Variants in KNDC1 observed in about 807,000 individuals in gnomAD.
KNDC1 encodes the protein kinase non-catalytic C-lobe domain containing 1.
Under a neutral mutation model 172.8 loss-of-function variants are expected in KNDC1, and 106 were observed. That is an observed-to-expected ratio of 0.61 (90% confidence interval 0.52 to 0.72). The LOEUF (loss-of-function observed/expected upper bound fraction) is 0.72, where lower values mean the gene tolerates loss of function less well. KNDC1 is among the 30% of genes least tolerant of loss of function. KNDC1 has a pLI of 0.00. For missense variants in KNDC1, 2,325 were observed against 2,394.5 expected, an observed-to-expected ratio of 0.97 and a Z score of 0.61; for synonymous variants, 1,083 against 1,062.2, an observed-to-expected ratio of 1.02 and a Z score of -0.38.
chr10:133,183,641 G>T (rs1045238031), intron 4 of KNDC1, 151 bp downstream of exon 4: 3 of 1,026,790 alleles, frequency 2.9e-6, no homozygotes, highest in Non-Finnish European at 4.2e-6. Context: ...GGAGGACTTG[G>T]TTTTTTATTG....
In KNDC1 at chr10:133,186,523, G is replaced by C. The variant is rs2135979637; in HGVS notation, c.1175G>C (p.Ser392Thr). 6.2e-7 allele frequency: 1 copy of C among 1,612,274 alleles called. No homozygotes were observed. Among genetic ancestry groups the C allele is most frequent in the Admixed American group, 1.7e-5 (1 of 60,014 alleles). The change falls in exon 6 of 30, where the codon AGT (serine) becomes ACT (threonine). Residue 392 changes from serine to threonine, a missense_variant. Physicochemically the swap from Ser to Thr is moderately conservative, Grantham distance 58. Transcript: ENST00000304613. Reference sequence around the variant, plus strand: ...GACAGGGGCCCTGGGGTGCCCGGCAGTCCAGGACAGCCCGAGACTTCACAC... The same window carrying C: ...GACAGGGGCCCTGGGGTGCCCGGCACTCCAGGACAGCCCGAGACTTCACAC... The part of the protein sequence containing the change: ...STDRGPGVPG[S>T]PGQPETSHPS...
chr10:133,219,879 G>C, intron 28 of KNDC1, 76 bp from the exon 29 acceptor site: 2 of 1,432,702 alleles, frequency 1.4e-6, no homozygotes, highest in Non-Finnish European at 1.9e-6. Flanking sequence ...TGGTTGGGCT[G>C]CGCTGGCCCC....
chr10:133,160,536 C>G lies in KNDC1; in HGVS notation c.69C>G (p.Asp23Glu). 6.3e-7 allele frequency: 1 copy of G among 1,584,934 alleles called. No homozygotes were observed. The highest frequency in any genetic ancestry group is 8.6e-7 in the Non-Finnish European group (1 of 1,167,686). Residue 23 changes from aspartate to glutamate, a missense_variant, in exon 1 of 30, where the codon GAC (aspartate) becomes GAG (glutamate). Coordinates refer to ENST00000304613, the MANE Select transcript of KNDC1 (RefSeq NM_152643.8). ...ACGGCAAAGACCTGGACTTCTACGA[C>G]TTCGAGCCGCTGCCCACCCTCCCCG... ...EEDGKDLDFY[D>E]FEPLPTLPED...
At chr10:133,190,964 C>T (rs1036612969) in intron 9 of KNDC1, among the ~76,000 whole-genome samples, 1 of 152,134 alleles carries the variant, frequency 6.6e-6, no homozygotes, top group Non-Finnish European at 1.5e-5. Context: ...GAACGAAAAT[C>T]GCTGGGAAAG....
At chr10:133,174,115 C>G (rs2135956694) in intron 3 of KNDC1, 1 of 152,358 alleles carries the variant, frequency 6.6e-6, no homozygotes. Flanking sequence ...GGTCCTGCCT[C>G]TTGCTGGTTC....
chr10:133,215,943 C>G (rs1408917327), intron 26 of KNDC1, among the ~76,000 whole-genome samples: 1 of 152,250 alleles, frequency 6.6e-6, no homozygotes, highest in Admixed American at 6.5e-5. Flanking sequence ...AGGCCCCTCA[C>G]CTCCTCACGG....
At chr10:133,185,414 A>G (rs1853866742) in intron 5 of KNDC1, among the ~76,000 whole-genome samples, 1 of 144,230 alleles carries the variant, frequency 6.9e-6, no homozygotes, top group South Asian at 2.3e-4. Context: ...CAGTGTGTGC[A>G]GTGTGGAGTA....
intron 9 of KNDC1, among the ~76,000 whole-genome samples, chr10:133,194,544 T>G (rs1190711425): frequency 6.6e-6 from 1 of 152,228 alleles, no homozygotes; most frequent in Non-Finnish European, 1.5e-5. Context: ...AGGTTAATTT[T>G]TTAAAAGTGT....
chr10:133,188,718 C>T lies in KNDC1; in HGVS notation c.1441+65C>T, dbSNP rs1853993249. ...CCCCCACTGCTGTTCCACCCCCCAC[C>T]GCCGTCCCACACCCCCGCCGTCCCA... On this transcript the variant is annotated intron_variant, in intron 7 of 29. Transcript: ENST00000304613. The T allele has an allele frequency of 1.1e-4, 79 of 728,922 alleles. 2 individuals are homozygous for T. The South Asian group carries it at 1.3e-3, about 12-fold the overall frequency. 45.2% of individuals were successfully genotyped at this position (728,922 alleles called of 1,614,324 possible).
chr10:133,160,405 C>CCTCCAT lies in KNDC1; in HGVS notation c.-63_-62insCTCCAT. 4 of 1,011,986 alleles carry CCTCCAT rather than the reference C, an allele frequency of 4.0e-6. No homozygotes were observed. Among genetic ancestry groups the CCTCCAT allele is most frequent in the Non-Finnish European group, 5.2e-6 (4 of 770,710 alleles). The allele number at this position is 1,011,986 out of a possible 1,614,324, so 62.7% of individuals were successfully genotyped here. ...CGCGTCTCCATGGAGCCAGGGCGCG[C>CCTCCAT]GTAGCCGAGCCCAGCCCAGCCCAGC... On this transcript the variant is annotated 5_prime_UTR_variant, in exon 1 of 30. The change creates a new upstream start codon in the 5' untranslated region. Transcript: ENST00000304613.
At position 133,189,863 on chromosome 10, in the gene KNDC1, G is replaced by T. The variant is rs200317173; in HGVS notation, c.1575+50G>T. On this transcript the variant is annotated intron_variant, in intron 9 of 29. Transcript: ENST00000304613. ...CCCAGCCCTGCCCCCAGCCCTCGGG[G>T]ATGCCACGTCCCCCATCTGTCCAGC... 25 of 1,456,532 alleles carry T rather than the reference G, an allele frequency of 1.7e-5. No homozygotes were observed. In the East Asian group the frequency reaches 5.8e-4, roughly 34 times the overall value. The allele number at this position is 1,456,532 out of a possible 1,614,324, so 90.2% of individuals were successfully genotyped here.
At position 133,168,307 on chromosome 10, in the gene KNDC1, T is replaced by G; in HGVS notation, c.355T>G (p.Phe119Val). 1.2e-6 allele frequency: 2 copies of G among 1,614,086 alleles called. No homozygotes were observed. The change falls in exon 3 of 30, where the codon TTT becomes GTT. Residue 119 changes from phenylalanine (F) to valine (V), a missense_variant. Physicochemically the swap from Phe to Val is conservative, Grantham distance 50 (BLOSUM62 -1). Coordinates refer to ENST00000304613, the MANE Select transcript of KNDC1 (RefSeq NM_152643.8). The part of the protein sequence containing the change: ...PPEFDVTGNT[F>V]EAHIYSLGAT... ...CGAGTTCGACGTGACCGGGAACACC[T>G]TTGAGGTAAGTGCAGGTGGGGGTAA...
At chr10:133,213,430 T>A (rs1293456636) in intron 24 of KNDC1, among the ~76,000 whole-genome samples, 1 of 152,242 alleles carries the variant, frequency 6.6e-6, no homozygotes, top group Non-Finnish European at 1.5e-5. Context: ...GTGATCCACC[T>A]GCTGTCACGA....
Position 133,206,983 on chromosome 10 carries a change from C to G in KNDC1, c.3579+30C>G, listed in dbSNP as rs182488313. On this transcript the variant is annotated intron_variant, in intron 19 of 29. Transcript: ENST00000304613. ...GTGGGCTCCGGGCCCCGCTCTGCCC[C>G]GTGAGGCAGTAGCTTCAGACGGGCC... 13 of 1,598,312 alleles carry G rather than the reference C, an allele frequency of 8.1e-6. No homozygotes were observed. Among genetic ancestry groups the G allele is most frequent in the Non-Finnish European group, 1.0e-5 (12 of 1,166,016 alleles).
At chr10:133,176,260 C>CGGAT (rs1853535714) in intron 3 of KNDC1, among the ~76,000 whole-genome samples, 1 of 146,034 alleles carries the variant, frequency 6.8e-6, no homozygotes, top group Non-Finnish European at 1.5e-5. Flanking sequence ...GATACATAGG[C>CGGAT]GGATGGATGC....
Position 133,160,586 on chromosome 10 carries a change from A to T in KNDC1, c.102+17A>T, listed in dbSNP as rs1228401219. ...GAGGACGAGGTGAGCCCCCGGCCCC[A>T]CTGGGGGGCCCCTTCCGCCGCCGAG... On this transcript the variant is annotated intron_variant, in intron 1 of 29. Transcript: ENST00000304613. The T allele has an allele frequency of 3.9e-6, 6 of 1,531,946 alleles. No individual in the cohort carries two copies. Among genetic ancestry groups the T allele is most frequent in the Non-Finnish European group, 4.4e-6 (5 of 1,132,342 alleles). The allele number at this position is 1,531,946 out of a possible 1,614,324, so 94.9% of individuals were successfully genotyped here.
At chr10:133,189,850 C>T (rs1240484650) in intron 9 of KNDC1, 37 bp downstream of exon 9, 2 of 1,565,842 alleles carry the variant, frequency 1.3e-6, no homozygotes, top group Admixed American at 1.7e-5. Flanking sequence ...CAGCCCTGCC[C>T]CCAGCCCTCG....
intron 9 of KNDC1, 42 bp downstream of exon 9, chr10:133,189,855 C>G: frequency 1.3e-6 from 2 of 1,521,328 alleles, no homozygotes; most frequent in South Asian, 2.3e-5. Context: ...CTGCCCCCAG[C>G]CCTCGGGGAT....
chr10:133,185,539 C>T lies in KNDC1; in HGVS notation c.626-435C>T, dbSNP rs143912586. On this transcript the variant is annotated intron_variant, in intron 5 of 29. Transcript: ENST00000304613. ...GTAGGCAGAACAGAGCCACACACAG[C>T]AGAGAGAGATCAACGCCGTGTGTGG... is the stretch of plus-strand genomic sequence containing the variant. Among the ~76,000 whole-genome samples, 340 of 151,612 alleles carry T rather than the reference C, an allele frequency of 2.2e-3. 4 individuals carry two copies. The highest frequency in any genetic ancestry group is 7.7e-3 in the African/African-American group (319 of 41,174).
Sources: allele counts gnomAD v4.1 joint callset (sites outside exome capture counted in the v4.1 genomes callset), GRCh38; gene constraint gnomAD v4.1.1; transcripts MANE v1.5; gene names NCBI Gene and HGNC (gene_info 2026-07-23, HGNC 2026-07-21).